The following ZDHHC6 variants were observed in gnomAD, a reference collection of about 807,000 sequenced individuals.
ZDHHC6 encodes palmitoyltransferase ZDHHC6.
A neutral mutation model predicts 57.8 loss-of-function variants in ZDHHC6; 32 were observed. The ratio of observed to expected loss-of-function variants is 0.55; its 90% confidence interval spans 0.42 to 0.74. The LOEUF (loss-of-function observed/expected upper bound fraction) is 0.74. Among genes scored for constraint, ZDHHC6 ranks in the 30% least tolerant of loss-of-function variants. ZDHHC6 has a pLI of 0.00. For missense variants in ZDHHC6, 433 were observed against 500.7 expected, an observed-to-expected ratio of 0.86 and a Z score of 1.29; for synonymous variants, 128 against 158.0, an observed-to-expected ratio of 0.81 and a Z score of 1.42.
At chr10:112,439,985 CTATAT>C (rs1185993571) in intron 5 of ZDHHC6, among the ~76,000 whole-genome samples, 1 of 152,032 alleles carries the variant, frequency 6.6e-6, no homozygotes, top group Non-Finnish European at 1.5e-5. Flanking sequence ...TAAATGTTAG[CTATAT>C]TATGATTACT....
chr10:112,440,821 A>G, intron 4 of ZDHHC6, 126 bp from the exon 5 acceptor site: 1 of 637,310 alleles, frequency 1.6e-6, no homozygotes, highest in Non-Finnish European at 2.3e-6. Context: ...ACGCAAACAC[A>G]GCTATTTTTA....
chr10:112,433,321 G>A, intron 7 of ZDHHC6, 40 bp from the exon 8 acceptor site: 9 of 1,507,454 alleles, frequency 6.0e-6, no homozygotes, highest in Non-Finnish European at 8.0e-6. Context: ...GAAGTCTCTT[G>A]TCTCAATGTT....
chr10:112,426,749 T>C, downstream of ZDHHC6: 1 of 1,591,738 alleles, frequency 6.3e-7, no homozygotes, highest in African/African-American at 1.3e-5. Flanking sequence ...TCAGGCTTTT[T>C]GAAACAGCCA....
At chr10:112,429,315 G>A (rs1011080891), downstream of ZDHHC6, among the ~76,000 whole-genome samples, 5 of 152,182 alleles carry the variant, frequency 3.3e-5, no homozygotes, top group Non-Finnish European at 7.4e-5. Context: ...TTTCTCAAAC[G>A]TGTCAGACAC....
intron 3 of ZDHHC6, among the ~76,000 whole-genome samples, chr10:112,442,816 C>G (rs971684391): frequency 2.0e-5 from 3 of 152,116 alleles, no homozygotes; most frequent in Non-Finnish European, 4.4e-5. Context: ...TCATAGTATC[C>G]TTTAGTTAAT....
chr10:112,447,366 G>C (rs769226433), upstream of ZDHHC6: 1 of 1,612,502 alleles, frequency 6.2e-7, no homozygotes, highest in South Asian at 1.1e-5. Flanking sequence ...ACTCGTTCCG[G>C]AGCCGCCATG....
At chr10:112,426,771 A>T (rs370491618), downstream of ZDHHC6, 6 of 1,611,272 alleles carry the variant, frequency 3.7e-6, no homozygotes, top group African/African-American at 1.3e-5. Flanking sequence ...GCTTTAAGTG[A>T]TGTTTTGTAT....
chr10:112,436,653 A>G (rs990463878), intron 6 of ZDHHC6, among the ~76,000 whole-genome samples: 1 of 152,158 alleles, frequency 6.6e-6, no homozygotes, highest in African/African-American at 2.4e-5. Context: ...CTGAAATGTT[A>G]TTTGTCTTTT....
Position 112,445,444 on chromosome 10 carries a change from A to C in ZDHHC6, c.-8T>G. 1 of 1,611,302 alleles carries C rather than the reference A, an allele frequency of 6.2e-7. No homozygotes were observed. The highest frequency in any genetic ancestry group is 2.2e-5 in the East Asian group (1 of 44,796). On this transcript the variant is annotated 5_prime_UTR_variant, in exon 2 of 11. Coordinates refer to ENST00000369405, the MANE Select transcript of ZDHHC6 (RefSeq NM_022494.3). ...CGAACAGAATGTACCCATTTTGGCAAGGAAGAATGCCTTCCTACTTTAAAA... is the reference window on the plus strand; with the variant it reads ...CGAACAGAATGTACCCATTTTGGCACGGAAGAATGCCTTCCTACTTTAAAA...
At chr10:112,427,348 TC>T, downstream of ZDHHC6, 1 of 1,612,570 alleles carries the variant, frequency 6.2e-7, no homozygotes. Context: ...TATGAGCACA[TC>T]CAGGATTAGG....
At chr10:112,444,576 T>C (rs1276498513) in intron 2 of ZDHHC6, among the ~76,000 whole-genome samples, 1 of 152,218 alleles carries the variant, frequency 6.6e-6, no homozygotes, top group African/African-American at 2.4e-5. Flanking sequence ...TTTATTAAAA[T>C]AAAGATTCTG....
At chr10:112,427,177 A>C, downstream of ZDHHC6, 1 of 1,577,076 alleles carries the variant, frequency 6.3e-7, no homozygotes, top group South Asian at 1.2e-5. Context: ...GAGAAGTCCA[A>C]ATCACTAATG....
downstream of ZDHHC6, chr10:112,426,350 C>T (rs1394668194): frequency 6.2e-7 from 1 of 1,613,780 alleles, no homozygotes; most frequent in Admixed American, 1.7e-5. Context: ...AGGAACTGTG[C>T]CAAAACCAAG....
At chr10:112,425,498 A>G, downstream of ZDHHC6, 6 of 1,582,230 alleles carry the variant, frequency 3.8e-6, no homozygotes, top group Non-Finnish European at 5.2e-6. Flanking sequence ...TATCATTTTA[A>G]CAATAGCCCA....
chr10:112,432,705 T>G (rs1249996333), intron 8 of ZDHHC6, among the ~76,000 whole-genome samples, 184 bp from the exon 9 acceptor site: 5 of 152,164 alleles, frequency 3.3e-5, no homozygotes, highest in African/African-American at 9.7e-5. Flanking sequence ...ATGTTTCTAG[T>G]TCTCAAGGCT....
intron 3 of ZDHHC6, 140 bp downstream of exon 3, chr10:112,443,375 G>A: frequency 1.7e-6 from 1 of 589,132 alleles, no homozygotes; most frequent in Non-Finnish European, 2.8e-6. Flanking sequence ...GGCGATTATG[G>A]ACACAAGTAT....
At chr10:112,430,054 C>T (rs575665624), downstream of ZDHHC6, among the ~76,000 whole-genome samples, 112 of 152,318 alleles carry the variant, frequency 7.4e-4, no homozygotes, top group African/African-American at 2.5e-3. Context: ...ACAGCTGTAG[C>T]TACGCTTGGC....
At chr10:112,433,340 G>T in intron 7 of ZDHHC6, 59 bp from the exon 8 acceptor site, 1 of 1,385,902 alleles carries the variant, frequency 7.2e-7, no homozygotes, top group Non-Finnish European at 9.6e-7. Context: ...TTGAAAAATC[G>T]CCTTTCCTCA....
chr10:112,441,482 G>A (rs1049122041), intron 4 of ZDHHC6, among the ~76,000 whole-genome samples: 2 of 152,328 alleles, frequency 1.3e-5, no homozygotes, highest in South Asian at 2.1e-4. Flanking sequence ...CCTGCATAAT[G>A]TTTCAACATT....
Sources: gnomAD v4.1 joint callset for allele counts (sites outside exome capture counted in the v4.1 genomes callset) on GRCh38, gnomAD v4.1.1 for gene constraint, MANE v1.5 for transcripts, NCBI Gene and HGNC (gene_info 2026-07-23, HGNC 2026-07-21) for gene names.